The following CELF5 variants were observed in gnomAD, a reference collection of about 807,000 sequenced individuals.
CELF5 encodes CUGBP Elav-like family member 5.
A neutral mutation model predicts 54.9 loss-of-function variants in CELF5; 6 were observed. The observed-to-expected ratio is 0.11, with a 90% confidence interval of 0.06 to 0.22. The LOEUF is 0.22. CELF5 is among the 10% of genes least tolerant of loss of function. CELF5 has a pLI of 1.00. For synonymous variants in CELF5, 271 were observed against 290.9 expected, an observed-to-expected ratio of 0.93 and a Z score of 0.70; for missense variants, 401 against 678.6, an observed-to-expected ratio of 0.59 and a Z score of 4.54.
rs571718609 is a variant in CELF5, at chr19:3,282,951, C to T, written c.1039+453C>T. On this transcript the variant is annotated intron_variant, in intron 8 of 12. Coordinates refer to ENST00000292672, the MANE Select transcript of CELF5 (RefSeq NM_021938.4). This position sits in a 1 kb window ranked among gnomAD's most constrained non-coding sequence, Gnocchi z 5.2. ...GTTCAAGTGATTCTCCTGCCTCAGC[C>T]TCCCAAGTAGCTGGGATTACAGGCG... is the stretch of plus-strand genomic sequence containing the variant. Among the ~76,000 whole-genome samples, 1 of 152,326 alleles carries T rather than the reference C, an allele frequency of 6.6e-6. No homozygotes were observed. The highest frequency in any genetic ancestry group is 2.1e-4 in the South Asian group (1 of 4,832).
At chr19:3,225,070 C>G in intron 1 of CELF5, 72 bp downstream of exon 1, 1 of 1,019,816 alleles carries the variant, frequency 9.8e-7, no homozygotes, top group East Asian at 3.5e-5. Flanking sequence ...ATCTTCTCTC[C>G]CCCATCACCA....
In CELF5 at chr19:3,237,078, C is replaced by T. The variant is rs1030239810; in HGVS notation, c.259+12080C>T. Among the ~76,000 whole-genome samples the T allele has an allele frequency of 8.0e-5, 12 of 150,562 alleles. No individual in the cohort carries two copies. The South Asian group carries it at 8.4e-4, about 11-fold the overall frequency. On this transcript the variant is annotated intron_variant, in intron 1 of 12. Transcript: ENST00000292672. The stretch of plus-strand genomic sequence containing the variant: ...CTGTAATCCCAGCACTTTGGGAGGC[C>T]GAGACGGGTGGATCACGAGGTCAGG...
At chr19:3,271,310 A>G (rs2079960316) in intron 2 of CELF5, among the ~76,000 whole-genome samples, 1 of 148,936 alleles carries the variant, frequency 6.7e-6, no homozygotes, top group Admixed American at 6.7e-5. Flanking sequence ...GGTTGAAACC[A>G]TCTCCCCTCC....
intron 2 of CELF5, among the ~76,000 whole-genome samples, chr19:3,267,547 T>C (rs185434957): frequency 1.1e-3 from 172 of 152,224 alleles, no homozygotes; most frequent in African/African-American, 4.0e-3. Flanking sequence ...CCCCCAACAC[T>C]GGGACAGTGC....
chr19:3,247,073 G>T (rs1035499457), intron 1 of CELF5, among the ~76,000 whole-genome samples: 1 of 152,184 alleles, frequency 6.6e-6, no homozygotes, highest in African/African-American at 2.4e-5. Flanking sequence ...AGGATGGAGG[G>T]GGTTGTGCTG....
chr19:3,264,236 C>A (rs1476682586), intron 2 of CELF5, among the ~76,000 whole-genome samples: 1 of 151,550 alleles, frequency 6.6e-6, no homozygotes, highest in Non-Finnish European at 1.5e-5. Flanking sequence ...TAGTGACACC[C>A]CATCTGAAAA....
At chr19:3,236,428 G>GGT (rs2048616696) in intron 1 of CELF5, among the ~76,000 whole-genome samples, 1 of 152,144 alleles carries the variant, frequency 6.6e-6, no homozygotes, top group African/African-American at 2.4e-5. Flanking sequence ...ACAGCAGAAA[G>GGT]GTACTGAGCT....
At position 3,282,122 on chromosome 19, in the gene CELF5, C is replaced by T; in HGVS notation, c.751-4C>T. 6.2e-7 allele frequency: 1 copy of T among 1,614,208 alleles called. No homozygotes were observed. Among genetic ancestry groups the T allele is most frequent in the Non-Finnish European group, 8.5e-7 (1 of 1,180,038 alleles). ...CCCCAACTGTGACATGTCTTCACCC[C>T]CAGCTCATGCAACAGCAGACAACAG... On this transcript the variant is annotated splice_region_variant and splice_polypyrimidine_tract_variant and intron_variant, in intron 6 of 12. Coordinates refer to ENST00000292672, the MANE Select transcript of CELF5 (RefSeq NM_021938.4). This position sits in a 1 kb window ranked among gnomAD's most constrained non-coding sequence, Gnocchi z 5.2.
rs896087331 is a variant in CELF5 at position 3,296,980 on chromosome 19, C to T, written c.*263C>T. The stretch of plus-strand genomic sequence containing the variant: ...GTGTTTCAGGTGAGAAGCAGCAAAG[C>T]GTCTTAATGTTCAAAACGCCTCTCT... On this transcript the variant is annotated 3_prime_UTR_variant, in exon 13 of 13. Transcript: ENST00000292672. 1 of 122,120 alleles carries T rather than the reference C, an allele frequency of 8.2e-6. No individual in the cohort carries two copies. The highest frequency in any genetic ancestry group is 3.1e-5 in the African/African-American group (1 of 32,384). 7.6% of individuals were successfully genotyped at this position (122,120 alleles called of 1,614,324 possible).
chr19:3,269,240 A>G (rs912975662), intron 2 of CELF5, among the ~76,000 whole-genome samples: 1 of 152,156 alleles, frequency 6.6e-6, no homozygotes, highest in African/African-American at 2.4e-5. Context: ...CAATGGCACA[A>G]TCTTGGCTCA....
intron 1 of CELF5, among the ~76,000 whole-genome samples, chr19:3,226,180 C>T (rs957870382): frequency 6.6e-6 from 1 of 152,156 alleles, no homozygotes; most frequent in Non-Finnish European, 1.5e-5. Context: ...TGGGGAAGGA[C>T]CGGGGCCCAT....
At chr19:3,234,740 T>TC (rs1917438358) in intron 1 of CELF5, among the ~76,000 whole-genome samples, 1 of 151,942 alleles carries the variant, frequency 6.6e-6, no homozygotes, top group Non-Finnish European at 1.5e-5. Context: ...GCACCTCCTA[T>TC]CCCTCCATCA....
intron 2 of CELF5, among the ~76,000 whole-genome samples, chr19:3,264,260 C>G (rs191186809): frequency 3.3e-5 from 5 of 150,636 alleles, no homozygotes; most frequent in African/African-American, 1.2e-4. Flanking sequence ...ACAAAATTCT[C>G]TATGGTTTTG....
intron 9 of CELF5, 39 bp from the exon 10 acceptor site, chr19:3,285,903 C>A: frequency 6.8e-7 from 1 of 1,478,068 alleles, no homozygotes; most frequent in Non-Finnish European, 9.0e-7. Flanking sequence ...CGTGGCCTCA[C>A]GCCCCTCCTC....
rs59437366 is a variant in CELF5, at chr19:3,236,988, CA to C, written c.259+12006del. On this transcript the variant is annotated intron_variant, in intron 1 of 12. Coordinates refer to ENST00000292672, the MANE Select transcript of CELF5 (RefSeq NM_021938.4). Reference sequence around the variant, plus strand: ...TGGACGACAGAGCAAGACTCCATCTCAAAAAAAAAAAAAAAAGTAAAGTAAT... The same window carrying C: ...TGGACGACAGAGCAAGACTCCATCTCAAAAAAAAAAAAAAAGTAAAGTAAT... 6.6e-3 allele frequency among the ~76,000 whole-genome samples: 703 copies of C among 107,054 alleles called. 6 individuals carry two copies. Among genetic ancestry groups the C allele is most frequent in the Middle Eastern group, 0.039 (6 of 152 alleles). 70.2% of individuals were successfully genotyped at this position (107,054 alleles called of 152,430 possible). A position where few individuals can be genotyped will look rare whatever the true frequency, so the allele number is the denominator to read the frequency against.
chr19:3,292,915 AAG>A (rs1337959337), intron 11 of CELF5, among the ~76,000 whole-genome samples: 3 of 152,082 alleles, frequency 2.0e-5, no homozygotes, highest in African/African-American at 7.2e-5. Flanking sequence ...CTGCAAAAAA[AAG>A]AGAGAGACAA....
chr19:3,225,667 GC>G, intron 1 of CELF5: 1 of 881,480 alleles, frequency 1.1e-6, no homozygotes, highest in African/African-American at 1.8e-5. Context: ...GGGGGGACGC[GC>G]CCGCCTCGCC....
At chr19:3,267,071 G>A (rs1568348624) in intron 2 of CELF5, among the ~76,000 whole-genome samples, 1 of 143,962 alleles carries the variant, frequency 6.9e-6, no homozygotes, top group African/African-American at 2.5e-5. Flanking sequence ...ACCTCTGTGT[G>A]TGCGTGTGCG....
At chr19:3,263,368 TG>T (rs1376295337) in intron 2 of CELF5, among the ~76,000 whole-genome samples, 1 of 150,888 alleles carries the variant, frequency 6.6e-6, no homozygotes, top group Non-Finnish European at 1.5e-5. Flanking sequence ...GAGACCAGGC[TG>T]ATTAACATGG....
Sources: allele counts gnomAD v4.1 joint callset (sites outside exome capture counted in the v4.1 genomes callset), GRCh38; gene constraint gnomAD v4.1.1; non-coding constraint Gnocchi (gnomAD v3.1); transcripts MANE v1.5; gene names NCBI Gene and HGNC (gene_info 2026-07-23, HGNC 2026-07-21).